TSPAN7: variants seen among roughly 807,000 people sequenced by gnomAD.
The protein encoded by TSPAN7 is tetraspanin-7.
Under a neutral mutation model 17.6 loss-of-function variants are expected in TSPAN7, and 1 was observed. The ratio of observed to expected loss-of-function variants is 0.06; its 90% CI spans 0.02 to 0.27. TSPAN7 has a LOEUF of 0.27. Ranked by LOEUF, TSPAN7 falls within the 10% of genes least tolerant of loss-of-function variation. TSPAN7 has a pLI of 1.00. For synonymous variants in TSPAN7, 78 were observed against 79.0 expected (o/e 0.99, Z 0.07); for missense variants, 112 against 201.7 (o/e 0.56, Z 2.69).
intron 1 of TSPAN7, among the ~76,000 whole-genome samples, chrX:38,616,776 T>C (rs1320360356): frequency 9.0e-6 from 1 of 111,253 alleles, no homozygotes; most frequent in African/African-American, 3.3e-5. Flanking sequence ...CTACACAAAG[T>C]GTATTTTTCC....
At chrX:38,585,014 C>G (rs2069250638) in intron 1 of TSPAN7, among the ~76,000 whole-genome samples, 1 of 112,056 alleles carries the variant, frequency 8.9e-6, no homozygotes, top group Non-Finnish European at 1.9e-5. Context: ...TGAGATCCAT[C>G]CATGTTGCTG....
chrX:38,613,717 T>A (rs2069434914), intron 1 of TSPAN7, among the ~76,000 whole-genome samples: 1 of 111,239 alleles, frequency 9.0e-6, no homozygotes, highest in African/African-American at 3.3e-5. Flanking sequence ...TGACCCTATT[T>A]TCATTAGAAT....
Position 38,682,360 on chromosome X carries a change from T to C in TSPAN7, c.681+1073T>C, listed in dbSNP as rs2069898513. 2.7e-5 allele frequency among the ~76,000 whole-genome samples: 3 copies of C among 112,155 alleles called. No homozygotes were observed. The Admixed American group carries it at 2.8e-4, about 11-fold the overall frequency. ...TTATTCCAGTTTGTTCCTAAAACTT[T>C]CTAATTGAAATGTGGAATATACAGA... On this transcript the variant is annotated intron_variant, in intron 6 of 7. Transcript: ENST00000378482.
At chrX:38,615,837 G>A (rs774724941) in intron 1 of TSPAN7, among the ~76,000 whole-genome samples, 1 of 112,041 alleles carries the variant, frequency 8.9e-6, no homozygotes, top group South Asian at 3.7e-4. Flanking sequence ...TTCAAATCCC[G>A]TGAGAAATGT....
At chrX:38,623,502 C>A (rs1377762782) in intron 1 of TSPAN7, among the ~76,000 whole-genome samples, 2 of 109,708 alleles carry the variant, frequency 1.8e-5, no homozygotes, top group Admixed American at 1.9e-4. Flanking sequence ...TCTCCCCATT[C>A]CCTTAATGCA....
At chrX:38,617,968 C>T (rs775235449) in intron 1 of TSPAN7, among the ~76,000 whole-genome samples, 1 of 111,351 alleles carries the variant, frequency 9.0e-6, no homozygotes, top group Non-Finnish European at 1.9e-5. Context: ...TTAAGCGATA[C>T]GATGATTTAA....
intron 5 of TSPAN7, among the ~76,000 whole-genome samples, chrX:38,677,751 A>G (rs891159777): frequency 4.4e-5 from 5 of 112,652 alleles, no homozygotes; most frequent in Non-Finnish European, 9.4e-5. Flanking sequence ...AGACATTCTT[A>G]TTTAATGCCC....
Position 38,674,185 on chromosome X carries a change from G to A in TSPAN7, c.346-36G>A. 3 of 1,067,502 alleles carry A rather than the reference G, an allele frequency of 2.8e-6. No homozygotes were observed. In the South Asian group the frequency reaches 5.9e-5, roughly 21 times the overall value. The allele number at this position is 1,067,502 out of a possible 1,213,427, so 88.0% of individuals were successfully genotyped here. A position where few individuals can be genotyped will look rare whatever the true frequency, so the allele number is the denominator to read the frequency against. The stretch of plus-strand genomic sequence containing the variant: ...AGAATTGGAGTCAGTTTGGGCTGTG[G>A]TGGACTGCAATCACATCCCTCCTTG... On this transcript the variant is annotated intron_variant, in intron 3 of 7. Coordinates refer to ENST00000378482, the MANE Select transcript of TSPAN7 (RefSeq NM_004615.4).
intron 1 of TSPAN7, among the ~76,000 whole-genome samples, chrX:38,567,092 A>AT (rs71991328): frequency 0.096 from 10,238 of 106,386 alleles, 1,109 homozygotes; most frequent in African/African-American, 0.32. Flanking sequence ...ATTTAAAACA[A>AT]TTTTTTTTTT....
chrX:38,595,949 A>T (rs1304550068), intron 1 of TSPAN7, among the ~76,000 whole-genome samples: 2 of 111,329 alleles, frequency 1.8e-5, no homozygotes, highest in Non-Finnish European at 3.8e-5. Flanking sequence ...TCTGAATTAT[A>T]TCTTAAAAAT....
At chrX:38,567,559 G>A (rs890070755) in intron 1 of TSPAN7, among the ~76,000 whole-genome samples, 2 of 112,181 alleles carry the variant, frequency 1.8e-5, no homozygotes, top group African/African-American at 6.5e-5. Context: ...ACCATATCAG[G>A]CACATACTTT....
intron 5 of TSPAN7, among the ~76,000 whole-genome samples, chrX:38,678,636 C>T (rs147584271): frequency 9.0e-6 from 1 of 111,678 alleles, no homozygotes; most frequent in African/African-American, 3.3e-5. Context: ...GGGGTTCATG[C>T]AGTAAATAAC....
In TSPAN7 at chrX:38,570,391, CTT is replaced by C. The variant is rs1329841941; in HGVS notation, c.81+8768_81+8769del. Among the ~76,000 whole-genome samples the C allele has an allele frequency of 8.1e-5, 9 of 111,708 alleles. No homozygotes were observed. In the South Asian group the frequency reaches 1.1e-3, roughly 14 times the overall value. Reference sequence around the variant, plus strand: ...TTATAACATTTGGGGAACATTAAGTCTTTTTCACTTAGTCGTTGCTTAGAAAT... The same window carrying C: ...TTATAACATTTGGGGAACATTAAGTCTTTCACTTAGTCGTTGCTTAGAAAT... On this transcript the variant is annotated intron_variant, in intron 1 of 7. Transcript: ENST00000378482.
At chrX:38,627,549 A>G (rs765199796) in intron 1 of TSPAN7, among the ~76,000 whole-genome samples, 11 of 111,909 alleles carry the variant, frequency 9.8e-5, no homozygotes, top group Admixed American at 6.6e-4. Flanking sequence ...TCCAGCATAG[A>G]TAAACTGCCA....
rs73463521 is a variant in TSPAN7, at chrX:38,671,133, G to A, written c.271-243G>A. ...AGCCAAGCTGATAGGCACAATGCCA[G>A]TCTCTCAGTGAATTCTCCCCAGCCT... On this transcript the variant is annotated intron_variant, in intron 2 of 7. Transcript: ENST00000378482. Among the ~76,000 whole-genome samples, 1,023 of 112,200 alleles carry A rather than the reference G, an allele frequency of 9.1e-3. 9 individuals carry two copies. Among genetic ancestry groups the A allele is most frequent in the African/African-American group, 0.032 (976 of 30,901 alleles).
At chrX:38,568,781 A>G (rs2069155443) in intron 1 of TSPAN7, among the ~76,000 whole-genome samples, 1 of 109,622 alleles carries the variant, frequency 9.1e-6, no homozygotes, top group African/African-American at 3.3e-5. Flanking sequence ...GACCTCCTAG[A>G]CTAATCCTCT....
chrX:38,595,212 A>G (rs1187401138), intron 1 of TSPAN7, among the ~76,000 whole-genome samples: 1 of 111,579 alleles, frequency 9.0e-6, no homozygotes, highest in Non-Finnish European at 1.9e-5. Context: ...GTATCAGAAA[A>G]TAACAACTTT....
chrX:38,677,934 C>T (rs2069865051), intron 5 of TSPAN7, among the ~76,000 whole-genome samples: 1 of 111,916 alleles, frequency 8.9e-6, no homozygotes, highest in Non-Finnish European at 1.9e-5. Context: ...TATATGGAAT[C>T]CTATGATTTA....
rs751192248 is a variant in TSPAN7, at chrX:38,630,560, C to G, written c.82-35561C>G. ...CCTCAGTATAATGTAATTTTAAATCCACACATACAAATGGGGACCAAATAC... is the reference window on the plus strand; with the variant it reads ...CCTCAGTATAATGTAATTTTAAATCGACACATACAAATGGGGACCAAATAC... On this transcript the variant is annotated intron_variant, in intron 1 of 7. Coordinates refer to ENST00000378482, the MANE Select transcript of TSPAN7 (RefSeq NM_004615.4). Among the ~76,000 whole-genome samples, 15 of 111,410 alleles carry G rather than the reference C, an allele frequency of 1.3e-4. No individual in the cohort carries two copies. The East Asian group carries it at 2.5e-3, about 19-fold the overall frequency.
Sources: gnomAD v4.1 joint callset for allele counts (sites outside exome capture counted in the v4.1 genomes callset) on GRCh38, gnomAD v4.1.1 for gene constraint, MANE v1.5 for transcripts, NCBI Gene and HGNC (gene_info 2026-07-23, HGNC 2026-07-21) for gene names.